The following ARHGEF3 variants were observed in gnomAD, a reference collection of about 807,000 sequenced individuals.
The protein encoded by ARHGEF3 is Rho guanine nucleotide exchange factor 3.
A neutral mutation model predicts 63.2 loss-of-function variants in ARHGEF3; 28 were observed. That is an observed-to-expected ratio of 0.44 (90% confidence interval 0.33 to 0.61). The LOEUF (loss-of-function observed/expected upper bound fraction) is 0.61. ARHGEF3 is among the 20% of genes least tolerant of loss of function. ARHGEF3 has a pLI of 0.03. For synonymous variants in ARHGEF3, 266 were observed against 254.2 expected (o/e 1.05, Z -0.44); for missense variants, 533 against 659.3 (o/e 0.81, Z 2.10).
intron 2 of ARHGEF3, among the ~76,000 whole-genome samples, chr3:56,765,873 T>C (rs1559919091): frequency 6.6e-6 from 1 of 152,018 alleles, no homozygotes; most frequent in African/African-American, 2.4e-5. Flanking sequence ...AATGAAAAAA[T>C]CAATAGTTCC....
At chr3:56,802,936 A>G (rs538132375), upstream of ARHGEF3, among the ~76,000 whole-genome samples, 14 of 152,220 alleles carry the variant, frequency 9.2e-5, no homozygotes, top group Non-Finnish European at 1.6e-4. Flanking sequence ...AGATGGGTCT[A>G]TGGGTGTGGC....
intron 4 of ARHGEF3, among the ~76,000 whole-genome samples, chr3:56,846,219 T>C (rs558651073): frequency 6.6e-6 from 1 of 152,334 alleles, no homozygotes; most frequent in East Asian, 1.9e-4. Flanking sequence ...TTTATATATG[T>C]CTTTAATATT....
At chr3:57,010,660 G>C (rs1164459705) in intron 2 of ARHGEF3, among the ~76,000 whole-genome samples, 1 of 152,136 alleles carries the variant, frequency 6.6e-6, no homozygotes, top group Non-Finnish European at 1.5e-5. Flanking sequence ...AACTTTAGGT[G>C]TGTAAAACTC....
chr3:56,837,278 C>T (rs768943392), intron 4 of ARHGEF3, among the ~76,000 whole-genome samples: 16 of 152,074 alleles, frequency 1.1e-4, no homozygotes, highest in Non-Finnish European at 2.1e-4. Context: ...AGCAAAGAGT[C>T]CAGACGTTTT....
At chr3:56,921,516 G>C (rs1170653966) in intron 3 of ARHGEF3, among the ~76,000 whole-genome samples, 2 of 151,994 alleles carry the variant, frequency 1.3e-5, no homozygotes, top group Non-Finnish European at 2.9e-5. Context: ...ATTAGAGCCT[G>C]AGAGTTGCTC....
chr3:57,001,669 C>T (rs986879161), intron 2 of ARHGEF3, among the ~76,000 whole-genome samples: 2 of 152,118 alleles, frequency 1.3e-5, no homozygotes, highest in Non-Finnish European at 2.9e-5. Flanking sequence ...CCTGCTGGAA[C>T]GTGGACATGA....
chr3:57,008,364 C>G (rs925483395), intron 2 of ARHGEF3, among the ~76,000 whole-genome samples: 1 of 152,104 alleles, frequency 6.6e-6, no homozygotes, highest in Non-Finnish European at 1.5e-5. Flanking sequence ...GACCCCTTTA[C>G]CTGCAATAAA....
At chr3:56,842,555 GA>G (rs1461339556) in intron 4 of ARHGEF3, among the ~76,000 whole-genome samples, 2 of 152,166 alleles carry the variant, frequency 1.3e-5, no homozygotes, top group African/African-American at 4.8e-5. Flanking sequence ...TAACTTCAAA[GA>G]AGAGTTTCTT....
intron 2 of ARHGEF3, among the ~76,000 whole-genome samples, chr3:57,009,625 A>G (rs1359941997): frequency 6.6e-6 from 1 of 152,210 alleles, no homozygotes; most frequent in Admixed American, 6.5e-5. Context: ...AGTGAGCCAC[A>G]CTGCTGCGGG....
intron 4 of ARHGEF3, among the ~76,000 whole-genome samples, chr3:56,839,016 GTA>G (rs1424715079): frequency 9.2e-5 from 14 of 152,066 alleles, no homozygotes; most frequent in African/African-American, 3.1e-4. Flanking sequence ...GTACACACCT[GTA>G]GTCCCAGCTA....
chr3:56,902,864 C>A (rs1875284), intron 3 of ARHGEF3, among the ~76,000 whole-genome samples: 5,577 of 152,248 alleles, frequency 0.037, 321 homozygotes, highest in East Asian at 0.22. Context: ...AAACACCAAC[C>A]CAAGTCAGGC....
chr3:56,885,174 T>C (rs2040881341), intron 3 of ARHGEF3, among the ~76,000 whole-genome samples: 1 of 152,202 alleles, frequency 6.6e-6, no homozygotes, highest in Admixed American at 6.5e-5. Context: ...GGCGTCCTGC[T>C]GCCTAGAGTA....
At chr3:56,782,744 G>T (rs976293887) in intron 1 of ARHGEF3, among the ~76,000 whole-genome samples, 3 of 151,878 alleles carry the variant, frequency 2.0e-5, no homozygotes, top group Non-Finnish European at 2.9e-5. Flanking sequence ...CCCTGAGTTA[G>T]TTCAGTCTCA....
upstream of ARHGEF3, among the ~76,000 whole-genome samples, chr3:56,805,053 G>T (rs2037811906): frequency 6.6e-6 from 1 of 152,128 alleles, no homozygotes; most frequent in South Asian, 2.1e-4. Flanking sequence ...ACTCCCAGAA[G>T]AGCTTGCTGG....
rs144066846 is a variant in ARHGEF3 at position 56,760,255 on chromosome 3, C to T, written c.205-5104G>A. On this transcript the variant is annotated intron_variant, in intron 2 of 9. Coordinates refer to ENST00000296315, the MANE Select transcript of ARHGEF3 (RefSeq NM_019555.3). ...TTCCTCAGATAGGTACATAATAGTA[C>T]ACTTTGCTCACACTCTCATCAACAA... 2.0e-3 allele frequency among the ~76,000 whole-genome samples: 305 copies of T among 152,178 alleles called. 2 individuals carry two copies. Among genetic ancestry groups the T allele is most frequent in the Admixed American group, 3.3e-3 (51 of 15,302 alleles).
intron 1 of ARHGEF3, among the ~76,000 whole-genome samples, chr3:57,050,002 C>G (rs1251447763): frequency 6.6e-6 from 1 of 152,156 alleles, no homozygotes; most frequent in Non-Finnish European, 1.5e-5. Flanking sequence ...CACTCTCAGC[C>G]CCTCTCCTCC....
intron 4 of ARHGEF3, among the ~76,000 whole-genome samples, chr3:56,812,530 T>C (rs2038105050): frequency 6.6e-6 from 1 of 152,254 alleles, no homozygotes; most frequent in African/African-American, 2.4e-5. Flanking sequence ...TTAAAGGTTA[T>C]TTCTTTCATT....
intron 4 of ARHGEF3, among the ~76,000 whole-genome samples, chr3:56,851,048 T>C (rs13314686): frequency 0.98 from 148,602 of 152,186 alleles, 72,653 homozygotes; most frequent in East Asian, 1. Flanking sequence ...TACCACCTTG[T>C]TTTTTGGTGG....
chr3:57,061,099 C>T (rs1421930217), intron 1 of ARHGEF3, among the ~76,000 whole-genome samples: 1 of 152,110 alleles, frequency 6.6e-6, no homozygotes, highest in Non-Finnish European at 1.5e-5. Flanking sequence ...TCATTCTAAA[C>T]AGAAACTGTG....
Sources: gnomAD v4.1 joint callset for allele counts (sites outside exome capture counted in the v4.1 genomes callset) on GRCh38, gnomAD v4.1.1 for gene constraint, MANE v1.5 for transcripts, NCBI Gene and HGNC (gene_info 2026-07-23, HGNC 2026-07-21) for gene names.